Variants in PKHD1L1 observed in about 807,000 individuals in gnomAD.
PKHD1L1 encodes the protein PKHD1 like 1, also known as fibrocystin-L.
PKHD1L1 carries 434 observed loss-of-function variants against 462.9 expected under a neutral mutation model. The observed-to-expected ratio is 0.94, with a 90% CI of 0.87 to 1.02. The LOEUF (loss-of-function observed/expected upper bound fraction) is 1.02. PKHD1L1 is among the 50% of genes least tolerant of loss of function. The pLI is 0.00. For missense variants in PKHD1L1, 5,202 were observed against 5,096.1 expected (o/e 1.02, Z -0.63); for synonymous variants, 1,781 against 1,750.0 (o/e 1.02, Z -0.44).
At position 109,532,451 on chromosome 8, in the gene PKHD1L1, C is replaced by CT. The variant is rs915036006; in HGVS notation, c.*2370dup. 2.7e-4 allele frequency among the ~76,000 whole-genome samples: 41 copies of CT among 150,860 alleles called. No homozygotes were observed. Among genetic ancestry groups the CT allele is most frequent in the African/African-American group, 7.5e-4 (31 of 41,136 alleles). On this transcript the variant is annotated 3_prime_UTR_variant, in exon 78 of 78. Coordinates refer to ENST00000378402, the MANE Select transcript of PKHD1L1 (RefSeq NM_177531.6). Reference sequence around the variant, plus strand: ...ATATGCTAAGCAAGTTTTATTTTTGCTTTTTTTTTGCATTTAAATAATATT... The same window carrying CT: ...ATATGCTAAGCAAGTTTTATTTTTGCTTTTTTTTTTGCATTTAAATAATATT...
intron 6 of PKHD1L1, among the ~76,000 whole-genome samples, chr8:109,386,667 T>C (rs975963980): frequency 6.6e-6 from 1 of 152,190 alleles, no homozygotes; most frequent in Admixed American, 6.5e-5. Flanking sequence ...AGTAGAGATA[T>C]TTAACATTTT....
intron 30 of PKHD1L1, among the ~76,000 whole-genome samples, chr8:109,437,487 TC>T (rs1351673234): frequency 3.7e-5 from 4 of 107,980 alleles, no homozygotes; most frequent in Non-Finnish European, 5.6e-5. Context: ...ATGCTATCCC[TC>T]CCCCCTCCCC....
intron 1 of PKHD1L1, among the ~76,000 whole-genome samples, chr8:109,363,715 G>A (rs553003894): frequency 3.9e-5 from 6 of 152,148 alleles, no homozygotes; most frequent in African/African-American, 1.2e-4. Context: ...CTGTTTGCCC[G>A]GGCAGTTCCC....
At position 109,535,231 on chromosome 8, in the gene PKHD1L1, A is replaced by G. The variant is rs1341197126; in HGVS notation, c.*5141A>G. On this transcript the variant is annotated 3_prime_UTR_variant, in exon 78 of 78. Coordinates refer to ENST00000378402, the MANE Select transcript of PKHD1L1 (RefSeq NM_177531.6). Reference sequence around the variant, plus strand: ...AAAAAAAAAATTCCTTTTGTGCAAGATATTTATGACTGTGCCTGGCTACAT... The same window carrying G: ...AAAAAAAAAATTCCTTTTGTGCAAGGTATTTATGACTGTGCCTGGCTACAT... 6.6e-6 allele frequency among the ~76,000 whole-genome samples: 1 copy of G among 152,108 alleles called. No individual in the cohort carries two copies. The highest frequency in any genetic ancestry group is 2.4e-5 in the African/African-American group (1 of 41,408).
intron 58 of PKHD1L1, among the ~76,000 whole-genome samples, chr8:109,485,542 G>T (rs551043309): frequency 1.3e-5 from 2 of 151,946 alleles, no homozygotes; most frequent in Non-Finnish European, 2.9e-5. Flanking sequence ...AGCGGTAAAT[G>T]CATTTAGACA....
At chr8:109,445,685 T>G (rs762751764) in intron 38 of PKHD1L1, 40 bp downstream of exon 38, 27 of 1,476,874 alleles carry the variant, frequency 1.8e-5, no homozygotes, top group Non-Finnish European at 2.4e-5. Context: ...TATTATAGTA[T>G]CGATAATATT....
At chr8:109,449,174 G>T (rs959574137) in intron 39 of PKHD1L1, among the ~76,000 whole-genome samples, 164 bp from the exon 40 acceptor site, 1 of 152,104 alleles carries the variant, frequency 6.6e-6, no homozygotes, top group African/African-American at 2.4e-5. Context: ...AATCAAAAGA[G>T]ATTCAGTTGC....
intron 4 of PKHD1L1, among the ~76,000 whole-genome samples, chr8:109,382,885 C>T (rs538254926): frequency 2.1e-4 from 32 of 150,200 alleles, no homozygotes; most frequent in Middle Eastern, 6.8e-3. Flanking sequence ...CTATTTTAAT[C>T]GAAGTAACTA....
Position 109,404,702 on chromosome 8 carries a change from C to T in PKHD1L1, c.1522C>T (p.Gln508Ter), listed in dbSNP as rs1385737474. 10 of 1,601,360 alleles carry T rather than the reference C, an allele frequency of 6.2e-6. No homozygotes were observed. Among genetic ancestry groups the T allele is most frequent in the Non-Finnish European group, 8.5e-6 (10 of 1,173,978 alleles). ...QVIKSQSTIL[Q>*]EVQVITLENW... ...TATCAAATCCCAGTCGACAATCCTC[C>T]AGGAAGTACAGGTTTGCTATGATTG... The change falls in exon 15 of 78, where the codon CAG (glutamine) becomes TAG (stop). Residue 508 changes from glutamine (Q) to a stop codon, truncating the protein, a stop_gained. Transcript: ENST00000378402. LOFTEE classifies it high-confidence loss of function.
chr8:109,366,107 C>A lies in PKHD1L1; in HGVS notation c.163+1471C>A, dbSNP rs999224238. ...TCATCCCTAGTTTGAAATAAAAAAA[C>A]CAAAACATTCTATTCTTTGGAAAGG... On this transcript the variant is annotated intron_variant, in intron 2 of 77. Coordinates refer to ENST00000378402, the MANE Select transcript of PKHD1L1 (RefSeq NM_177531.6). Among the ~76,000 whole-genome samples the A allele has an allele frequency of 4.6e-5, 7 of 152,260 alleles. No individual in the cohort carries two copies. In the South Asian group the frequency reaches 6.2e-4, roughly 14 times the overall value.
intron 24 of PKHD1L1, among the ~76,000 whole-genome samples, chr8:109,425,808 G>A (rs1814717065): frequency 6.6e-6 from 1 of 152,074 alleles, no homozygotes; most frequent in Admixed American, 6.6e-5. Flanking sequence ...TGAGTCATAT[G>A]TGGCTACTGA....
intron 22 of PKHD1L1, 82 bp downstream of exon 22, chr8:109,419,342 T>G (rs1814349003): frequency 9.1e-7 from 1 of 1,096,730 alleles, no homozygotes; most frequent in Admixed American, 2.9e-5. Context: ...TTCTGCAGTA[T>G]GGATAGAAAC....
intron 53 of PKHD1L1, 70 bp downstream of exon 53, chr8:109,477,466 G>A (rs1818050308): frequency 7.4e-7 from 1 of 1,352,818 alleles, no homozygotes; most frequent in East Asian, 2.4e-5. Flanking sequence ...TGTCACTCCT[G>A]GGTGAAATAA....
intron 8 of PKHD1L1, among the ~76,000 whole-genome samples, 174 bp from the exon 9 acceptor site, chr8:109,390,278 G>C (rs1812650188): frequency 6.6e-6 from 1 of 152,110 alleles, no homozygotes; most frequent in Non-Finnish European, 1.5e-5. Context: ...TTTTTATATA[G>C]TGGCTGCTTT....
chr8:109,524,743 A>T (rs1207191018), intron 76 of PKHD1L1, among the ~76,000 whole-genome samples: 1 of 152,114 alleles, frequency 6.6e-6, no homozygotes, highest in Non-Finnish European at 1.5e-5. Context: ...CTTGCCAAGG[A>T]GAAATGCCAG....
intron 50 of PKHD1L1, among the ~76,000 whole-genome samples, chr8:109,469,821 C>T (rs538432848): frequency 1.3e-5 from 2 of 152,004 alleles, no homozygotes; most frequent in Non-Finnish European, 2.9e-5. Flanking sequence ...GTCTGTGGTA[C>T]AATAAAATAT....
intron 38 of PKHD1L1, among the ~76,000 whole-genome samples, chr8:109,447,529 A>G (rs59846577): frequency 0.029 from 4,490 of 152,316 alleles, 205 homozygotes; most frequent in African/African-American, 0.094. Context: ...AGAGGGAAGC[A>G]AGAGAACAGC....
At chr8:109,387,833 G>T (rs1812513187) in intron 6 of PKHD1L1, among the ~76,000 whole-genome samples, 1 of 152,138 alleles carries the variant, frequency 6.6e-6, no homozygotes, top group Non-Finnish European at 1.5e-5. Context: ...TGTCCCAAAA[G>T]CTGATAGTTT....
intron 2 of PKHD1L1, among the ~76,000 whole-genome samples, chr8:109,378,124 C>A (rs1360825910): frequency 6.6e-6 from 1 of 152,198 alleles, no homozygotes; most frequent in East Asian, 1.9e-4. Context: ...TTCTCTGCTC[C>A]TGTTTGTAAT....
Sources: gnomAD v4.1 joint callset for allele counts (sites outside exome capture counted in the v4.1 genomes callset) on GRCh38, gnomAD v4.1.1 for gene constraint, MANE v1.5 for transcripts, NCBI Gene and HGNC (gene_info 2026-07-23, HGNC 2026-07-21) for gene names.